ABCC1: variants seen among roughly 807,000 people sequenced by gnomAD.
ABCC1 encodes the protein ATP binding cassette subfamily C member 1 (ABCC1 blood group).
A neutral mutation model predicts 172.9 loss-of-function variants in ABCC1; 83 were observed. The ratio of observed to expected loss-of-function variants is 0.48; its 90% CI spans 0.40 to 0.58. The LOEUF (loss-of-function observed/expected upper bound fraction) is 0.58. Among genes scored for constraint, ABCC1 ranks in the 20% least tolerant of loss-of-function variants. The probability of loss-of-function intolerance (pLI) is 0.00; values close to 1 mark genes in which losing one functional copy is unlikely to be tolerated. For synonymous variants in ABCC1, 937 were observed against 825.2 expected (o/e 1.14, Z -2.32); for missense variants, 1,817 against 2,002.7 (o/e 0.91, Z 1.77).
chr16:16,119,576 A>G (rs867630924), intron 23 of ABCC1, among the ~76,000 whole-genome samples: 1 of 152,174 alleles, frequency 6.6e-6, no homozygotes, highest in Non-Finnish European at 1.5e-5. Flanking sequence ...CTGCAATTCC[A>G]GCTACTTAGG....
intron 11 of ABCC1, among the ~76,000 whole-genome samples, chr16:16,053,102 A>G (rs527517067): frequency 6.6e-6 from 1 of 152,314 alleles, no homozygotes; most frequent in African/African-American, 2.4e-5. Context: ...TAGACCTTGT[A>G]GGCCGGTGAC....
rs1181768033 is a variant in ABCC1 at position 16,143,023 on chromosome 16, C to A, written c.*1742C>A. On this transcript the variant is annotated 3_prime_UTR_variant, in exon 31 of 31. Transcript: ENST00000399410. ...TAATGACTTACACTGGAAATGCGAACATTTGCAGTAAAAAAATATATATAT... is the reference window on the plus strand; with the variant it reads ...TAATGACTTACACTGGAAATGCGAAAATTTGCAGTAAAAAAATATATATAT... 1 of 151,886 alleles carries A rather than the reference C, an allele frequency of 6.6e-6. No homozygotes were observed. The highest frequency in any genetic ancestry group is 1.9e-4 in the East Asian group (1 of 5,202). The allele number at this position is 151,886 out of a possible 1,614,324, so 9.4% of individuals were successfully genotyped here.
intron 17 of ABCC1, among the ~76,000 whole-genome samples, chr16:16,084,993 C>CCCATGG (rs2050953391): frequency 2.0e-5 from 3 of 152,112 alleles, no homozygotes; most frequent in African/African-American, 7.2e-5. Context: ...CCACAGCAAG[C>CCCATGG]CCATGGGTGG....
At chr16:16,099,953 G>T (rs1382476013) in intron 19 of ABCC1, among the ~76,000 whole-genome samples, 1 of 152,164 alleles carries the variant, frequency 6.6e-6, no homozygotes, top group Non-Finnish European at 1.5e-5. Flanking sequence ...AGGCACGGTG[G>T]TGCATGCCTG....
intron 1 of ABCC1, among the ~76,000 whole-genome samples, chr16:15,958,877 C>T (rs1358018584): frequency 6.6e-6 from 1 of 152,162 alleles, no homozygotes; most frequent in Admixed American, 6.5e-5. Flanking sequence ...CCACATCATT[C>T]TTTGTGGCCT....
At chr16:16,086,748 A>C in intron 17 of ABCC1, 76 bp from the exon 18 acceptor site, 2 of 1,544,078 alleles carry the variant, frequency 1.3e-6, no homozygotes, top group Non-Finnish European at 1.8e-6. Context: ...GGATCACACC[A>C]CACTCGGCCT....
chr16:16,071,660 C>T lies in ABCC1; in HGVS notation c.1843C>T (p.Arg615Cys), dbSNP rs868858703. Residue 615 changes from arginine to cysteine, a missense_variant, in exon 14 of 31, where the codon CGC becomes TGC. Coordinates refer to ENST00000399410, the MANE Select transcript of ABCC1 (RefSeq NM_004996.4). ...SIVQASVSLK[R>C]LRIFLSHEEL... The stretch of plus-strand genomic sequence containing the variant: ...TGTACAGGCGAGTGTCTCCCTCAAA[C>T]GCCTGAGGATCTTTCTCTCCCATGA... 4 of 1,613,920 alleles carry T rather than the reference C, an allele frequency of 2.5e-6. No individual in the cohort carries two copies. Among genetic ancestry groups the T allele is most frequent in the African/African-American group, 2.7e-5 (2 of 74,916 alleles).
Position 16,044,562 on chromosome 16 carries a change from G to A in ABCC1, c.922G>A (p.Glu308Lys). 6.2e-7 allele frequency: 1 copy of A among 1,614,184 alleles called. No homozygotes were observed. ...TTTGATCGTCAAGTCCCCACAGAAGGAGTGGAACCCCTCTCTGTTTAAGGT... is the reference window on the plus strand; with the variant it reads ...TTTGATCGTCAAGTCCCCACAGAAGAAGTGGAACCCCTCTCTGTTTAAGGT... Reference protein sequence around the residue: ...EALIVKSPQKEWNPSLFKVLY... With the variant: ...EALIVKSPQKKWNPSLFKVLY... The change falls in exon 8 of 31, where the codon GAG becomes AAG. Residue 308 changes from glutamate (E) to lysine (K), a missense_variant. Transcript: ENST00000399410.
At chr16:15,963,173 G>C (rs975712073) in intron 1 of ABCC1, among the ~76,000 whole-genome samples, 2 of 152,220 alleles carry the variant, frequency 1.3e-5, no homozygotes, top group African/African-American at 4.8e-5. Context: ...AAGTTCCATA[G>C]TTATCTCCTT....
At chr16:16,026,488 T>G (rs914431147) in intron 5 of ABCC1, among the ~76,000 whole-genome samples, 3 of 130,662 alleles carry the variant, frequency 2.3e-5, no homozygotes, top group African/African-American at 9.9e-5. Flanking sequence ...TTTTTTTTTT[T>G]GCCAGTGAAG....
At chr16:15,993,379 G>T (rs768011326) in intron 1 of ABCC1, among the ~76,000 whole-genome samples, 1 of 152,104 alleles carries the variant, frequency 6.6e-6, no homozygotes, top group Non-Finnish European at 1.5e-5. Context: ...GTAATAGGTG[G>T]GTTCTAGAAT....
intron 22 of ABCC1, 96 bp downstream of exon 22, chr16:16,111,678 G>T (rs895206720): frequency 8.2e-7 from 1 of 1,225,232 alleles, no homozygotes; most frequent in Admixed American, 2.3e-5. Context: ...AGCGTTTTGT[G>T]GGACCCCAAA....
intron 1 of ABCC1, among the ~76,000 whole-genome samples, chr16:15,999,654 TGGGGTCTCACTGTGTTGCCCA>T (rs2047180501): frequency 6.7e-6 from 1 of 149,176 alleles, no homozygotes; most frequent in Non-Finnish European, 1.5e-5. Context: ...ATAAAAGAAA[TGGGGTCTCACTGTGTTGCCCA>T]GGCTGGTCTA....
At chr16:16,116,354 C>T (rs1388465778) in intron 23 of ABCC1, among the ~76,000 whole-genome samples, 1 of 152,156 alleles carries the variant, frequency 6.6e-6, no homozygotes, top group Non-Finnish European at 1.5e-5. Flanking sequence ...TCTGCAGGCA[C>T]ACATTCTAAG....
At chr16:16,073,298 G>A (rs2050425523) in intron 14 of ABCC1, among the ~76,000 whole-genome samples, 3 of 152,100 alleles carry the variant, frequency 2.0e-5, no homozygotes, top group Admixed American at 2.0e-4. Flanking sequence ...CAGCCCATCG[G>A]TAGAGTCCAT....
At chr16:16,090,167 C>G (rs1044361665) in intron 18 of ABCC1, among the ~76,000 whole-genome samples, 13 of 152,194 alleles carry the variant, frequency 8.5e-5, no homozygotes, top group African/African-American at 3.1e-4. Flanking sequence ...TCCCCTTCCC[C>G]AGCTTTTAGC....
At chr16:15,988,285 A>C (rs1435231498) in intron 1 of ABCC1, among the ~76,000 whole-genome samples, 2 of 151,914 alleles carry the variant, frequency 1.3e-5, no homozygotes, top group Non-Finnish European at 2.9e-5. Flanking sequence ...TTCATCACAC[A>C]TGTCTTCATA....
At chr16:16,055,719 C>G (rs2049621588) in intron 11 of ABCC1, among the ~76,000 whole-genome samples, 1 of 151,824 alleles carries the variant, frequency 6.6e-6, no homozygotes, top group African/African-American at 2.4e-5. Flanking sequence ...CAATGTCTAA[C>G]CTAACGTGAT....
At chr16:15,985,452 T>C (rs2046721460) in intron 1 of ABCC1, among the ~76,000 whole-genome samples, 1 of 152,112 alleles carries the variant, frequency 6.6e-6, no homozygotes, top group Non-Finnish European at 1.5e-5. Flanking sequence ...TTTTCTTTTT[T>C]TTTTCTTTTG....
Sources: gnomAD v4.1 joint callset for allele counts (sites outside exome capture counted in the v4.1 genomes callset) on GRCh38, gnomAD v4.1.1 for gene constraint, MANE v1.5 for transcripts, NCBI Gene and HGNC (gene_info 2026-07-23, HGNC 2026-07-21) for gene names.